MAF: variants seen among roughly 807,000 people sequenced by gnomAD.
MAF encodes MAF bZIP transcription factor.
In MAF, 10 loss-of-function variants were observed where a neutral mutation model predicts 22.0. The observed-to-expected ratio is 0.45, with a 90% CI of 0.28 to 0.77. The LOEUF is 0.77. Ranked by LOEUF, MAF falls within the 30% of genes least tolerant of loss-of-function variation. MAF has a pLI of 0.12. For missense variants in MAF, 544 were observed against 548.4 expected (o/e 0.99, Z 0.08); for synonymous variants, 337 against 255.8 (o/e 1.32, Z -3.03).
At chr16:79,343,863 T>C in the MAF span, among the ~76,000 whole-genome samples, 1 of 152,340 alleles carries the variant, frequency 6.6e-6, no homozygotes, top group East Asian at 1.9e-4. Context: ...CTGTTTTTTC[T>C]TGATAGACAA....
chr16:79,498,250 C>T, the MAF span, among the ~76,000 whole-genome samples: 20 of 152,216 alleles, frequency 1.3e-4, no homozygotes, highest in African/African-American at 3.4e-4. Flanking sequence ...TAAAGGGCCA[C>T]GTGGTCTCCA....
the MAF span, among the ~76,000 whole-genome samples, chr16:79,401,155 C>A: frequency 6.6e-6 from 1 of 152,216 alleles, no homozygotes; most frequent in Non-Finnish European, 1.5e-5. Context: ...GGTCCTCACT[C>A]CTGATCAGAG....
At chr16:79,413,484 C>A in the MAF span, among the ~76,000 whole-genome samples, 1 of 150,936 alleles carries the variant, frequency 6.6e-6, no homozygotes, top group Non-Finnish European at 1.5e-5. Flanking sequence ...CCACCCGCCT[C>A]GGCCTCCCAA....
chr16:79,242,383 A>G, the MAF span, among the ~76,000 whole-genome samples: 14 of 152,052 alleles, frequency 9.2e-5, no homozygotes, highest in African/African-American at 3.1e-4. Flanking sequence ...AAAAGAAAAA[A>G]AAAAGCAGGG....
the MAF span, among the ~76,000 whole-genome samples, chr16:79,232,920 A>G: frequency 6.9e-6 from 1 of 145,932 alleles, no homozygotes; most frequent in Non-Finnish European, 1.5e-5. Flanking sequence ...GGCTCACTGC[A>G]AGCTCTGCCT....
At chr16:79,574,156 A>G in the MAF span, among the ~76,000 whole-genome samples, 2 of 152,228 alleles carry the variant, frequency 1.3e-5, no homozygotes, top group African/African-American at 2.4e-5. Context: ...GGCAGAGTGA[A>G]GAGTGCCTTT....
the MAF span, among the ~76,000 whole-genome samples, chr16:79,446,572 T>C: frequency 2.0e-5 from 3 of 152,186 alleles, no homozygotes; most frequent in Non-Finnish European, 4.4e-5. Flanking sequence ...AGCCCCATTA[T>C]GGGCTAAAGG....
the MAF span, among the ~76,000 whole-genome samples, chr16:79,323,349 G>A: frequency 2.6e-5 from 4 of 151,750 alleles, no homozygotes; most frequent in Admixed American, 2.6e-4. Context: ...TTATGTCAGG[G>A]ACTCAGGCTG....
intron 1 of MAF, chr16:79,594,859 G>T: frequency 1.6e-6 from 2 of 1,220,040 alleles, no homozygotes; most frequent in African/African-American, 1.5e-5. Flanking sequence ...CTTTGCATTT[G>T]ATTTTCTAAA....
chr16:79,233,275 A>T, the MAF span, among the ~76,000 whole-genome samples: 2 of 152,144 alleles, frequency 1.3e-5, no homozygotes, highest in South Asian at 2.1e-4. Flanking sequence ...GTGGACCCTA[A>T]TACAGGTTGT....
At chr16:79,229,262 G>GA in the MAF span, 1 of 151,776 alleles carries the variant, frequency 6.6e-6, no homozygotes, top group Admixed American at 6.6e-5. Context: ...CAACCCCTTG[G>GA]AAACGGGTTT....
the MAF span, among the ~76,000 whole-genome samples, chr16:79,293,295 A>G: frequency 6.6e-6 from 1 of 152,168 alleles, no homozygotes; most frequent in East Asian, 1.9e-4. Context: ...TGCCCAAAAC[A>G]GAGTCTACAG....
At chr16:79,323,974 T>A in the MAF span, among the ~76,000 whole-genome samples, 1 of 152,110 alleles carries the variant, frequency 6.6e-6, no homozygotes, top group Non-Finnish European at 1.5e-5. Flanking sequence ...CCCAGAACGT[T>A]CCAGAGCGTA....
the MAF span, among the ~76,000 whole-genome samples, chr16:79,209,959 A>C: frequency 3.9e-5 from 6 of 152,344 alleles, no homozygotes; most frequent in African/African-American, 1.4e-4. Flanking sequence ...AATCCAGGAT[A>C]ATATCTGGCT....
intron 1 of MAF, chr16:79,597,001 A>G (rs1019227084): frequency 3.8e-6 from 4 of 1,054,366 alleles, no homozygotes; most frequent in Admixed American, 5.4e-5. Flanking sequence ...ACCCCTACAG[A>G]TATAAACAGG....
At chr16:79,318,591 A>T in the MAF span, among the ~76,000 whole-genome samples, 1 of 152,240 alleles carries the variant, frequency 6.6e-6, no homozygotes, top group African/African-American at 2.4e-5. Context: ...TACTGCTGAC[A>T]GCCCTTGGCG....
At chr16:79,228,419 C>A in the MAF span, among the ~76,000 whole-genome samples, 1 of 152,016 alleles carries the variant, frequency 6.6e-6, no homozygotes, top group Non-Finnish European at 1.5e-5. Context: ...GAAAGAATGG[C>A]TTCACTAGAT....
the MAF span, among the ~76,000 whole-genome samples, chr16:79,509,421 G>A: frequency 5.9e-5 from 9 of 152,306 alleles, no homozygotes; most frequent in South Asian, 8.3e-4. Context: ...CCTCTCTGCC[G>A]TCAGCTTTTG....
At chr16:79,202,695 G>A in the MAF span, 2 of 152,162 alleles carry the variant, frequency 1.3e-5, no homozygotes, top group South Asian at 2.1e-4. Flanking sequence ...GTTAACAAAC[G>A]AGTTCAAGTA....
Sources: allele counts gnomAD v4.1 joint callset (sites outside exome capture counted in the v4.1 genomes callset), GRCh38; gene constraint gnomAD v4.1.1; transcripts MANE v1.5; gene names NCBI Gene and HGNC (gene_info 2026-07-23, HGNC 2026-07-21).